Variants in ELAVL4 observed in about 807,000 individuals in gnomAD.
ELAVL4 encodes ELAV-like protein 4.
In ELAVL4, 1 loss-of-function variant was observed where a neutral mutation model predicts 35.6. The ratio of observed to expected loss-of-function variants is 0.03; its 90% CI spans 0.01 to 0.13. ELAVL4 has a LOEUF of 0.13. Ranked by LOEUF, ELAVL4 falls within the 10% of genes least tolerant of loss-of-function variation. The probability of loss-of-function intolerance (pLI) is 1.00; values close to 1 mark genes in which losing one functional copy is unlikely to be tolerated. For missense variants in ELAVL4, 267 were observed against 464.9 expected (o/e 0.57, Z 3.91); for synonymous variants, 156 against 171.0 (o/e 0.91, Z 0.69).
rs548874875 is a variant in ELAVL4, at chr1:50,109,601, T to G, written c.9+403T>G. The G allele has an allele frequency of 1.2e-5, 5 of 407,510 alleles. No individual in the cohort carries two copies. In the Admixed American group the frequency reaches 1.9e-4, roughly 16 times the overall value. 25.2% of individuals were successfully genotyped at this position (407,510 alleles called of 1,614,324 possible). On this transcript the variant is annotated intron_variant, in intron 1 of 6. Transcript: ENST00000371824. ...GGGGTGGATGCAGCGGGGTTAGGAATCTCTCAATTTCCGTGCTGGAAATTT... is the reference window on the plus strand; with the variant it reads ...GGGGTGGATGCAGCGGGGTTAGGAAGCTCTCAATTTCCGTGCTGGAAATTT...
chr1:50,156,048 C>CACACAT (rs2148732669), intron 2 of ELAVL4, among the ~76,000 whole-genome samples: 1 of 151,986 alleles, frequency 6.6e-6, no homozygotes, highest in Non-Finnish European at 1.5e-5. Flanking sequence ...CACACACACA[C>CACACAT]ACATCCCCCA....
upstream of ELAVL4, among the ~76,000 whole-genome samples, chr1:50,107,626 T>C (rs1450592068): frequency 6.6e-6 from 1 of 152,228 alleles, no homozygotes; most frequent in African/African-American, 2.4e-5. Context: ...CCTAGTTCTG[T>C]CTCACTGTCA....
upstream of ELAVL4, among the ~76,000 whole-genome samples, chr1:50,104,899 C>A (rs1666186258): frequency 6.6e-6 from 1 of 152,240 alleles, no homozygotes; most frequent in East Asian, 1.9e-4. Flanking sequence ...TAGAGTGATA[C>A]AAAGGAGATG....
intron 1 of ELAVL4, among the ~76,000 whole-genome samples, chr1:50,120,164 T>C (rs1668785941): frequency 6.6e-6 from 1 of 151,554 alleles, no homozygotes; most frequent in Non-Finnish European, 1.5e-5. Context: ...GCAAGGACAA[T>C]GGCAAGCAGA....
Position 50,193,854 on chromosome 1 carries a change from G to A in ELAVL4, c.444G>A (p.Leu148=). 1 of 1,614,108 alleles carries A rather than the reference G, an allele frequency of 6.2e-7. No individual in the cohort carries two copies. The highest frequency in any genetic ancestry group is 8.5e-7 in the Non-Finnish European group (1 of 1,179,998). Residue 148 remains leucine (L), a synonymous_variant, in exon 4 of 7, where the codon CTG becomes CTA. Coordinates refer to ENST00000371824, the MANE Select transcript of ELAVL4 (RefSeq NM_001144774.3). ...CCAAAACCATGACCCAGAAGGAACTGGAGCAACTTTTCTCGCAATACGGCC... is the reference window on the plus strand; with the variant it reads ...CCAAAACCATGACCCAGAAGGAACTAGAGCAACTTTTCTCGCAATACGGCC... The part of the protein sequence containing the change: ...GLPKTMTQKE[L]EQLFSQYGRI...
chr1:50,065,547 A>G (rs1664217533), intron 1 of ELAVL4, among the ~76,000 whole-genome samples: 1 of 152,228 alleles, frequency 6.6e-6, no homozygotes, highest in Admixed American at 6.5e-5. Flanking sequence ...CAAATGAAAT[A>G]ATCAAATAAT....
chr1:50,078,384 C>A (rs1212391576), intron 1 of ELAVL4, among the ~76,000 whole-genome samples: 1 of 152,066 alleles, frequency 6.6e-6, no homozygotes, highest in Non-Finnish European at 1.5e-5. Flanking sequence ...ACTACTTGGG[C>A]CACCTAAAAC....
At chr1:50,060,612 T>A (rs1663910755) in intron 1 of ELAVL4, among the ~76,000 whole-genome samples, 1 of 152,206 alleles carries the variant, frequency 6.6e-6, no homozygotes, top group South Asian at 2.1e-4. Flanking sequence ...GAGAAGGTGC[T>A]ACACTGGGTC....
intron 2 of ELAVL4, among the ~76,000 whole-genome samples, chr1:50,155,247 C>A (rs1180169621): frequency 1.4e-5 from 2 of 138,022 alleles, no homozygotes; most frequent in Non-Finnish European, 3.0e-5. Flanking sequence ...TTGTTCAATT[C>A]CCATCTAGGA....
At chr1:50,169,745 C>T (rs1678644231) in intron 2 of ELAVL4, among the ~76,000 whole-genome samples, 1 of 152,162 alleles carries the variant, frequency 6.6e-6, no homozygotes, top group South Asian at 2.1e-4. Flanking sequence ...ATCTTCAAAG[C>T]CCAGCTCAAA....
chr1:50,061,304 G>A (rs747844905), intron 1 of ELAVL4, among the ~76,000 whole-genome samples: 1 of 152,130 alleles, frequency 6.6e-6, no homozygotes, highest in Non-Finnish European at 1.5e-5. Context: ...CTTAAGGCAA[G>A]GCATGTACTC....
At chr1:50,055,880 G>A (rs1034355811) in intron 1 of ELAVL4, among the ~76,000 whole-genome samples, 12 of 152,060 alleles carry the variant, frequency 7.9e-5, no homozygotes, top group Non-Finnish European at 1.3e-4. Flanking sequence ...AAAATAAAAA[G>A]CAAAAGTTCT....
intron 1 of ELAVL4, among the ~76,000 whole-genome samples, chr1:50,138,325 C>T (rs1469378548): frequency 1.3e-5 from 2 of 152,164 alleles, no homozygotes; most frequent in East Asian, 1.9e-4. Context: ...CTTTAGTGAA[C>T]ATAAAATGCT....
At chr1:50,157,698 T>G (rs1676000488) in intron 2 of ELAVL4, among the ~76,000 whole-genome samples, 2 of 152,202 alleles carry the variant, frequency 1.3e-5, no homozygotes, top group African/African-American at 4.8e-5. Context: ...GCAGGCTGTT[T>G]GTGAAAATAG....
upstream of ELAVL4, chr1:50,106,168 T>G: frequency 1.8e-6 from 1 of 549,648 alleles, no homozygotes. Flanking sequence ...TAGCCCATTG[T>G]GCCACGTAAG....
Position 50,164,590 on chromosome 1 carries a change from G to T in ELAVL4, c.251-12499G>T, listed in dbSNP as rs1677405364. Among the ~76,000 whole-genome samples, 3 of 152,282 alleles carry T rather than the reference G, an allele frequency of 2.0e-5. No individual in the cohort carries two copies. In the South Asian group the frequency reaches 6.2e-4, roughly 32 times the overall value. On this transcript the variant is annotated intron_variant, in intron 2 of 6. Coordinates refer to ENST00000371824, the MANE Select transcript of ELAVL4 (RefSeq NM_001144774.3). ...GTGGAAGGATTGCTTGAGGCCAGGAGTTCAAGACCAGTCTGGGCAACACAG... is the reference window on the plus strand; with the variant it reads ...GTGGAAGGATTGCTTGAGGCCAGGATTTCAAGACCAGTCTGGGCAACACAG...
intron 1 of ELAVL4, among the ~76,000 whole-genome samples, chr1:50,094,678 G>GGCAGATC (rs1665639355): frequency 6.6e-6 from 1 of 151,668 alleles, no homozygotes. Flanking sequence ...GTCCAAAGTG[G>GGCAGATC]GCAGATCACC....
chr1:50,173,043 T>C (rs1366261214), intron 2 of ELAVL4, among the ~76,000 whole-genome samples: 1 of 152,154 alleles, frequency 6.6e-6, no homozygotes, highest in Non-Finnish European at 1.5e-5. Flanking sequence ...CCCCCAAACT[T>C]ACCAAACATT....
intron 2 of ELAVL4, among the ~76,000 whole-genome samples, chr1:50,165,845 A>G (rs1228345731): frequency 6.6e-6 from 1 of 151,358 alleles, no homozygotes; most frequent in Non-Finnish European, 1.5e-5. Context: ...TATATATATA[A>G]AGGGGAGTTT....
Sources: gnomAD v4.1 joint callset for allele counts (sites outside exome capture counted in the v4.1 genomes callset) on GRCh38, gnomAD v4.1.1 for gene constraint, MANE v1.5 for transcripts, NCBI Gene and HGNC (gene_info 2026-07-23, HGNC 2026-07-21) for gene names.